KSR2: variants seen among roughly 807,000 people sequenced by gnomAD.
The protein encoded by KSR2 is kinase suppressor of ras 2.
A neutral mutation model predicts 107.8 loss-of-function variants in KSR2; 25 were observed. The observed-to-expected ratio is 0.23, with a 90% CI of 0.17 to 0.32. KSR2 has a LOEUF of 0.32. Among genes scored for constraint, KSR2 ranks in the 10% least tolerant of loss-of-function variants. KSR2 has a pLI of 1.00. For synonymous variants in KSR2, 480 were observed against 507.0 expected, an observed-to-expected ratio of 0.95 and a Z score of 0.71; for missense variants, 887 against 1,268.9, an observed-to-expected ratio of 0.70 and a Z score of 4.57.
At chr12:117,920,364 T>C (rs1895303987) in intron 1 of KSR2, among the ~76,000 whole-genome samples, 1 of 151,308 alleles carries the variant, frequency 6.6e-6, no homozygotes, top group Non-Finnish European at 1.5e-5. Context: ...CCTCCCAAAG[T>C]GCTGAGATTA....
chr12:117,855,335 C>G (rs1022863236), intron 3 of KSR2, 93 bp downstream of exon 3: 11 of 1,547,430 alleles, frequency 7.1e-6, no homozygotes, highest in Non-Finnish European at 9.7e-6. Context: ...TCTGTCTCGT[C>G]CTGGCCTGCA....
chr12:117,613,289 C>T (rs908344290), intron 5 of KSR2, among the ~76,000 whole-genome samples: 1 of 152,232 alleles, frequency 6.6e-6, no homozygotes, highest in Non-Finnish European at 1.5e-5. Flanking sequence ...AATTCTACTT[C>T]TGTTATATCA....
chr12:117,718,047 C>A (rs931903308), intron 4 of KSR2, among the ~76,000 whole-genome samples: 1 of 152,116 alleles, frequency 6.6e-6, no homozygotes, highest in African/African-American at 2.4e-5. Context: ...AAGCACTTTG[C>A]AGTTACAAAA....
intron 8 of KSR2, 109 bp from the exon 9 acceptor site, chr12:117,555,402 A>AGGGTG: frequency 4.6e-6 from 5 of 1,075,840 alleles, no homozygotes; most frequent in Non-Finnish European, 6.9e-6. Context: ...TCCAGACTGG[A>AGGGTG]GGACAATTCA....
chr12:117,691,941 A>C (rs1195312208), intron 4 of KSR2, among the ~76,000 whole-genome samples: 2 of 152,148 alleles, frequency 1.3e-5, no homozygotes, highest in Non-Finnish European at 2.9e-5. Flanking sequence ...AGGCACAGAT[A>C]ATGGAAGCTG....
chr12:117,843,740 G>T (rs1300789039), intron 3 of KSR2, among the ~76,000 whole-genome samples: 2 of 152,094 alleles, frequency 1.3e-5, no homozygotes, highest in Admixed American at 6.6e-5. Flanking sequence ...ACCACCAGAT[G>T]CTTCATGACA....
chr12:117,947,219 A>AAGAAAGAC (rs1815951396), intron 1 of KSR2, among the ~76,000 whole-genome samples: 1 of 96,004 alleles, frequency 1.0e-5, no homozygotes, highest in African/African-American at 4.4e-5. Context: ...GAAAGAAAGA[A>AAGAAAGAC]AGAAAGAAAG....
intron 1 of KSR2, among the ~76,000 whole-genome samples, chr12:117,949,863 CTG>C (rs1171145095): frequency 2.0e-5 from 3 of 152,070 alleles, no homozygotes; most frequent in African/African-American, 7.2e-5. Context: ...TGCTTAAGAT[CTG>C]TGTGTTTCAC....
chr12:117,706,901 C>A (rs577650673), intron 4 of KSR2, among the ~76,000 whole-genome samples: 4 of 152,224 alleles, frequency 2.6e-5, no homozygotes, highest in African/African-American at 7.2e-5. Flanking sequence ...CACACAAAAT[C>A]TTGTACATGA....
intron 14 of KSR2, among the ~76,000 whole-genome samples, chr12:117,493,622 G>T (rs1202655928): frequency 6.6e-6 from 1 of 152,156 alleles, no homozygotes; most frequent in Admixed American, 6.5e-5. Flanking sequence ...GGTTGTAATT[G>T]AACAGGTGTT....
chr12:117,465,121 T>C lies in KSR2; in HGVS notation c.*2078A>G, dbSNP rs1190149166. 2.0e-5 allele frequency: 3 copies of C among 151,924 alleles called. No individual in the cohort carries two copies. The highest frequency in any genetic ancestry group is 1.5e-5 in the Non-Finnish European group (1 of 68,090). The allele number at this position is 151,924 out of a possible 1,614,324, so 9.4% of individuals were successfully genotyped here. Reference sequence around the variant, plus strand: ...AAGTCCTGGTGTGATGGAAGAGAAGTGAGTGGTTGGGTTTCAGGCACTCAG... The same window carrying C: ...AAGTCCTGGTGTGATGGAAGAGAAGCGAGTGGTTGGGTTTCAGGCACTCAG... On this transcript the variant is annotated 3_prime_UTR_variant, in exon 20 of 20. Coordinates refer to ENST00000339824, the MANE Select transcript of KSR2 (RefSeq NM_173598.6).
chr12:117,589,302 A>G (rs1457053483), intron 5 of KSR2, among the ~76,000 whole-genome samples: 1 of 152,250 alleles, frequency 6.6e-6, no homozygotes, highest in East Asian at 1.9e-4. Flanking sequence ...AGCACATAAT[A>G]TTATTAAAAA....
intron 4 of KSR2, among the ~76,000 whole-genome samples, chr12:117,751,047 C>A (rs661405): frequency 0.27 from 41,468 of 152,030 alleles, 5,771 homozygotes; most frequent in East Asian, 0.41. Context: ...TTCTCATAAT[C>A]CTCACATGTC....
At chr12:117,539,684 C>T in intron 10 of KSR2, 35 bp downstream of exon 10, 1 of 1,568,784 alleles carries the variant, frequency 6.4e-7, no homozygotes, top group Non-Finnish European at 8.6e-7. Context: ...CCCTCCAACG[C>T]TGCACCCCTC....
chr12:117,493,252 TC>T (rs1872840373), intron 14 of KSR2, among the ~76,000 whole-genome samples: 1 of 152,112 alleles, frequency 6.6e-6, no homozygotes, highest in African/African-American at 2.4e-5. Context: ...CTCTCTGGCT[TC>T]CCCAGTTCAT....
chr12:117,840,292 T>A (rs1377396359), intron 3 of KSR2, among the ~76,000 whole-genome samples: 1 of 152,132 alleles, frequency 6.6e-6, no homozygotes, highest in Non-Finnish European at 1.5e-5. Flanking sequence ...GAGATGGGGT[T>A]TCACCATGTT....
chr12:117,786,747 C>T (rs894259950), intron 3 of KSR2, among the ~76,000 whole-genome samples: 3 of 151,982 alleles, frequency 2.0e-5, no homozygotes, highest in East Asian at 1.9e-4. Context: ...ACCCAGGAAG[C>T]GGAGAATGCA....
At chr12:117,495,076 T>G (rs1184864166) in intron 14 of KSR2, among the ~76,000 whole-genome samples, 1 of 152,228 alleles carries the variant, frequency 6.6e-6, no homozygotes, top group Non-Finnish European at 1.5e-5. Flanking sequence ...CTGCCTGGCT[T>G]GAGCTCCCAA....
At position 117,699,382 on chromosome 12, in the gene KSR2, A is replaced by C. The variant is rs1372527598; in HGVS notation, c.987-31724T>G. Among the ~76,000 whole-genome samples the C allele has an allele frequency of 2.6e-5, 4 of 152,352 alleles. No homozygotes were observed. The East Asian group carries it at 7.7e-4, about 29-fold the overall frequency. On this transcript the variant is annotated intron_variant, in intron 4 of 19. Coordinates refer to ENST00000339824, the MANE Select transcript of KSR2 (RefSeq NM_173598.6). Reference sequence around the variant, plus strand: ...ATGCGTCACTTAATAAGAGTGATACATCCTAAGAAATGCATTAGGTTATTT... The same window carrying C: ...ATGCGTCACTTAATAAGAGTGATACCTCCTAAGAAATGCATTAGGTTATTT...
Sources: gnomAD v4.1 joint callset for allele counts (sites outside exome capture counted in the v4.1 genomes callset) on GRCh38, gnomAD v4.1.1 for gene constraint, MANE v1.5 for transcripts, NCBI Gene and HGNC (gene_info 2026-07-23, HGNC 2026-07-21) for gene names.